KIAA0825: variants seen among roughly 807,000 people sequenced by gnomAD.
KIAA0825 encodes uncharacterized protein KIAA0825.
A neutral mutation model predicts 147.6 loss-of-function variants in KIAA0825; 119 were observed. The ratio of observed to expected loss-of-function variants is 0.81; its 90% CI spans 0.69 to 0.94. The LOEUF is 0.94. Ranked by LOEUF, KIAA0825 falls within the 40% of genes least tolerant of loss-of-function variation. The pLI, the probability that KIAA0825 is intolerant of heterozygous loss-of-function variation, is 0.00. For missense variants in KIAA0825, 1,381 were observed against 1,472.7 expected, an observed-to-expected ratio of 0.94 and a Z score of 1.02; for synonymous variants, 470 against 518.1, an observed-to-expected ratio of 0.91 and a Z score of 1.26.
At chr5:94,237,771 A>G (rs1775135764) in intron 20 of KIAA0825, among the ~76,000 whole-genome samples, 1 of 152,212 alleles carries the variant, frequency 6.6e-6, no homozygotes, top group South Asian at 2.1e-4. Context: ...GATGAAGCCC[A>G]ATGATATAAA....
chr5:94,189,769 C>CT (rs1387062683), intron 20 of KIAA0825, among the ~76,000 whole-genome samples: 3 of 152,038 alleles, frequency 2.0e-5, no homozygotes, highest in African/African-American at 7.2e-5. Context: ...GAATCCTTTA[C>CT]TTTTTAATAT....
At chr5:94,382,689 C>A (rs1748580521) in intron 20 of KIAA0825, among the ~76,000 whole-genome samples, 1 of 152,122 alleles carries the variant, frequency 6.6e-6, no homozygotes, top group African/African-American at 2.4e-5. Context: ...TGTATGAGTT[C>A]TTTTCTCCCA....
intron 20 of KIAA0825, among the ~76,000 whole-genome samples, chr5:94,246,536 C>A (rs1387951254): frequency 6.6e-6 from 1 of 152,046 alleles, no homozygotes; most frequent in Non-Finnish European, 1.5e-5. Flanking sequence ...CAGGAATCCT[C>A]TCAAAGGTGA....
At chr5:94,158,925 A>G in intron 20 of KIAA0825, among the ~76,000 whole-genome samples, 1 of 152,352 alleles carries the variant, frequency 6.6e-6, no homozygotes, top group East Asian at 1.9e-4. Context: ...GATGATTATT[A>G]TTATTTGGCA....
chr5:94,238,975 A>G (rs1160586386), intron 20 of KIAA0825, among the ~76,000 whole-genome samples: 10 of 152,176 alleles, frequency 6.6e-5, no homozygotes, highest in Non-Finnish European at 1.5e-5. Context: ...AATTTCTTCA[A>G]TTTGCAGAAC....
chr5:94,160,733 C>A (rs1248316111), intron 20 of KIAA0825, among the ~76,000 whole-genome samples: 1 of 150,810 alleles, frequency 6.6e-6, no homozygotes, highest in East Asian at 1.9e-4. Flanking sequence ...TTAAATTATT[C>A]AAACTGACCA....
chr5:94,269,530 A>G (rs1035147546), intron 20 of KIAA0825, among the ~76,000 whole-genome samples: 2 of 152,158 alleles, frequency 1.3e-5, no homozygotes, highest in South Asian at 2.1e-4. Flanking sequence ...TATAAGAAAC[A>G]TATGGAAATT....
intron 20 of KIAA0825, among the ~76,000 whole-genome samples, chr5:94,195,960 C>A (rs1771092382): frequency 6.6e-6 from 1 of 152,176 alleles, no homozygotes; most frequent in Admixed American, 6.5e-5. Context: ...CTGTGCCCTG[C>A]AGCCCAACCA....
At position 94,462,492 on chromosome 5, in the gene KIAA0825, T is replaced by G. The variant is rs1584564675; in HGVS notation, c.2141A>C (p.Asn714Thr). The change falls in exon 12 of 21, where the codon AAT becomes ACT. Residue 714 changes from asparagine (N) to threonine (T), a missense_variant. Coordinates refer to ENST00000682413, the MANE Select transcript of KIAA0825 (RefSeq NM_001145678.3). ...SVCTSVQKLL[N>T]PHQHTDDKIF... Reference sequence around the variant, plus strand: ...TTTATCATCTGTATGCTGATGAGGATTCAAAAGTTTCTGTACAGATGTACA... The same window carrying G: ...TTTATCATCTGTATGCTGATGAGGAGTCAAAAGTTTCTGTACAGATGTACA... The G allele has an allele frequency of 6.5e-7, 1 of 1,544,590 alleles. No individual in the cohort carries two copies. The highest frequency in any genetic ancestry group is 1.2e-5 in the South Asian group (1 of 83,386).
At chr5:94,553,638 C>T (rs141538534) in intron 2 of KIAA0825, among the ~76,000 whole-genome samples, 11 of 150,964 alleles carry the variant, frequency 7.3e-5, no homozygotes, top group Admixed American at 2.6e-4. Flanking sequence ...TGGTGGCAGA[C>T]GCCTGTAATC....
intron 20 of KIAA0825, among the ~76,000 whole-genome samples, chr5:94,346,295 G>C (rs1043988590): frequency 6.6e-6 from 1 of 152,150 alleles, no homozygotes; most frequent in Non-Finnish European, 1.5e-5. Context: ...GATCAAATTA[G>C]ATAACAAGCA....
At chr5:94,597,900 G>C (rs1320439047) in intron 1 of KIAA0825, among the ~76,000 whole-genome samples, 1 of 151,900 alleles carries the variant, frequency 6.6e-6, no homozygotes, top group East Asian at 1.9e-4. Flanking sequence ...TAGTATAAAA[G>C]ACAAAAAAAT....
At chr5:94,566,979 C>T (rs992141875) in intron 2 of KIAA0825, among the ~76,000 whole-genome samples, 4 of 152,176 alleles carry the variant, frequency 2.6e-5, no homozygotes, top group South Asian at 2.1e-4. Flanking sequence ...TTATTTTGAA[C>T]GGTTTGCTAA....
intron 1 of KIAA0825, chr5:94,594,877 T>TA: frequency 8.1e-6 from 2 of 246,948 alleles, no homozygotes; most frequent in Admixed American, 5.4e-5. Flanking sequence ...TAAAAAATAG[T>TA]AGATAAAAAA....
At position 94,272,588 on chromosome 5, in the gene KIAA0825, T is replaced by G. The variant is rs565736823; in HGVS notation, c.3710+111780A>C. On this transcript the variant is annotated intron_variant, in intron 20 of 20. Transcript: ENST00000682413. ...TCAAGCAACCAATGTCCAGAAGTGA[T>G]CAACACATAGAAAATGTGTGAACAT... 5.9e-5 allele frequency among the ~76,000 whole-genome samples: 9 copies of G among 152,296 alleles called. No homozygotes were observed. The East Asian group carries it at 1.7e-3, about 29-fold the overall frequency.
At chr5:94,362,597 C>T (rs978968566) in intron 20 of KIAA0825, among the ~76,000 whole-genome samples, 38 of 139,964 alleles carry the variant, frequency 2.7e-4, no homozygotes, top group Non-Finnish European at 4.0e-4. Context: ...ATCTTCCCCT[C>T]CTCTGTGATC....
At chr5:94,498,426 C>T (rs932721343) in intron 5 of KIAA0825, among the ~76,000 whole-genome samples, 5 of 152,202 alleles carry the variant, frequency 3.3e-5, no homozygotes, top group Admixed American at 2.6e-4. Context: ...AGAGTGAAGT[C>T]ATCACATAGG....
At chr5:94,221,462 G>A (rs1176835912) in intron 20 of KIAA0825, among the ~76,000 whole-genome samples, 1 of 152,086 alleles carries the variant, frequency 6.6e-6, no homozygotes, top group Non-Finnish European at 1.5e-5. Flanking sequence ...GCTGTCCAAG[G>A]TCAAGAGGTC....
In KIAA0825 at chr5:94,520,340, T is replaced by G; in HGVS notation, c.878A>C (p.Asn293Thr). Reference protein sequence around the residue: ...VTEEMAKFLENFCELQFRENA... With the variant: ...VTEEMAKFLETFCELQFRENA... ...TTCTCTGAACTGCAGCTCACAAAAA[T>G]TTTCAAGAAATTTTGCCATTTCTTC... Residue 293 changes from asparagine (N) to threonine (T), a missense_variant, in exon 5 of 21, where the codon AAT (asparagine) becomes ACT (threonine). Asn to Thr is a moderately conservative substitution (Grantham distance 65, BLOSUM62 0). Coordinates refer to ENST00000682413, the MANE Select transcript of KIAA0825 (RefSeq NM_001145678.3). 2 of 1,613,566 alleles carry G rather than the reference T, an allele frequency of 1.2e-6. No individual in the cohort carries two copies. Among genetic ancestry groups the G allele is most frequent in the South Asian group, 1.1e-5 (1 of 91,070 alleles).
Sources: allele counts gnomAD v4.1 joint callset (sites outside exome capture counted in the v4.1 genomes callset), GRCh38; gene constraint gnomAD v4.1.1; transcripts MANE v1.5; gene names NCBI Gene and HGNC (gene_info 2026-07-23, HGNC 2026-07-21).